The following FIBCD1 variants were observed in gnomAD, a reference collection of about 807,000 sequenced individuals.
The protein encoded by FIBCD1 is fibrinogen C domain containing 1, also known as fibrinogen C domain-containing protein 1.
FIBCD1 carries 47 observed loss-of-function variants against 45.1 expected under a neutral mutation model. The observed-to-expected ratio is 1.04, with a 90% CI of 0.82 to 1.33. The LOEUF (loss-of-function observed/expected upper bound fraction) is 1.33. Among genes scored for constraint, FIBCD1 ranks in the 40% most tolerant of loss-of-function variants. The pLI is 0.00. For synonymous variants in FIBCD1, 313 were observed against 308.1 expected (o/e 1.02, Z -0.17); for missense variants, 653 against 682.2 (o/e 0.96, Z 0.48).
Position 130,929,829 on chromosome 9 carries a change from C to T in FIBCD1, c.290G>A (p.Arg97His), listed in dbSNP as rs1455459036. The stretch of plus-strand genomic sequence containing the variant: ...GAAGCTGTCGGTGAGGTCGGGGCAG[C>T]GCGGGTCAATGAGGATGCTGAGGTG... ...SSHLSILIDP[R>H]CPDLTDSFAR... Residue 97 changes from arginine to histidine, a missense_variant, in exon 2 of 7, where the codon CGC (arginine) becomes CAC (histidine). Physicochemically the swap from Arg to His is conservative, Grantham distance 29 (BLOSUM62 0). Transcript: ENST00000372338. The T allele has an allele frequency of 9.7e-6, 15 of 1,549,912 alleles. No homozygotes were observed. Among genetic ancestry groups the T allele is most frequent in the Admixed American group, 3.9e-5 (2 of 51,002 alleles).
At chr9:130,940,560 A>G (rs1832606041), upstream of FIBCD1, among the ~76,000 whole-genome samples, 1 of 152,224 alleles carries the variant, frequency 6.6e-6, no homozygotes, top group Admixed American at 6.5e-5. Context: ...TGGAGGGCAC[A>G]GGGCCCTGGC....
chr9:130,939,243 A>AGGGCGCCCCCGC lies in FIBCD1; in HGVS notation c.-637_-636insGCGGGGGCGCCC, dbSNP rs1317925571. The stretch of plus-strand genomic sequence containing the variant: ...GTCACCATGCGCGGGGCGGGCCCCG[A>AGGGCGCCCCCGC]GGGCGCCCCCGCCGGCCGGTTCGGC... On this transcript the variant is annotated 5_prime_UTR_variant, in exon 1 of 7. Transcript: ENST00000372338. The AGGGCGCCCCCGC allele has an allele frequency of 6.6e-6, 1 of 151,590 alleles. No individual in the cohort carries two copies. Among genetic ancestry groups the AGGGCGCCCCCGC allele is most frequent in the East Asian group, 2.0e-4 (1 of 5,068 alleles). The allele number at this position is 151,590 out of a possible 1,614,324, so 9.4% of individuals were successfully genotyped here.
At chr9:130,912,632 G>A (rs998041722) in intron 4 of FIBCD1, among the ~76,000 whole-genome samples, 1 of 151,884 alleles carries the variant, frequency 6.6e-6, no homozygotes, top group African/African-American at 2.4e-5. Context: ...GCTTGATCCC[G>A]GGAGGCGCAG....
chr9:130,917,124 G>A (rs11244193), intron 4 of FIBCD1, among the ~76,000 whole-genome samples: 18 of 152,210 alleles, frequency 1.2e-4, no homozygotes, highest in East Asian at 7.7e-4. Flanking sequence ...AAATGGAGGC[G>A]GGGAGCAAAA....
At chr9:130,917,736 T>C (rs1832192111) in intron 4 of FIBCD1, among the ~76,000 whole-genome samples, 1 of 152,150 alleles carries the variant, frequency 6.6e-6, no homozygotes, top group Non-Finnish European at 1.5e-5. Context: ...CCGTAGAGGA[T>C]GACCACGGCC....
chr9:130,937,369 T>C (rs542027869), intron 1 of FIBCD1, among the ~76,000 whole-genome samples: 1 of 152,264 alleles, frequency 6.6e-6, no homozygotes, highest in East Asian at 1.9e-4. Flanking sequence ...TCCGAACCTC[T>C]CTGATCCCTG....
intron 4 of FIBCD1, among the ~76,000 whole-genome samples, chr9:130,916,298 C>T (rs1832160402): frequency 2.0e-5 from 3 of 152,238 alleles, no homozygotes; most frequent in Admixed American, 2.0e-4. Flanking sequence ...GTTGATCAAA[C>T]CCATTCAGTT....
At chr9:130,906,658 C>A (rs1431238590) in intron 5 of FIBCD1, among the ~76,000 whole-genome samples, 5 of 152,222 alleles carry the variant, frequency 3.3e-5, no homozygotes, top group African/African-American at 1.2e-4. Context: ...GGCCCCAGCT[C>A]GGCTGGCGCA....
Position 130,919,184 on chromosome 9 carries a change from A to C in FIBCD1, c.849+4560T>G, listed in dbSNP as rs545363097. On this transcript the variant is annotated intron_variant, in intron 4 of 6. Transcript: ENST00000372338. ...GTCCTGTTTCTGTTCAAAGTTTGAA[A>C]AACCCAAACTGCTCCCCACGGAGGC... Among the ~76,000 whole-genome samples, 296 of 152,312 alleles carry C rather than the reference A, an allele frequency of 1.9e-3. 1 individual carries two copies. The highest frequency in any genetic ancestry group is 6.0e-3 in the South Asian group (29 of 4,830).
At chr9:130,918,719 T>C (rs927550741) in intron 4 of FIBCD1, among the ~76,000 whole-genome samples, 6 of 152,224 alleles carry the variant, frequency 3.9e-5, no homozygotes, top group African/African-American at 7.2e-5. Flanking sequence ...AACTCCTTTC[T>C]GGACACCTCT....
intron 4 of FIBCD1, among the ~76,000 whole-genome samples, chr9:130,919,786 C>A (rs141727067): frequency 6.6e-6 from 1 of 152,150 alleles, no homozygotes; most frequent in Non-Finnish European, 1.5e-5. Flanking sequence ...TGCCTGGGAG[C>A]GGAGCAGGTA....
chr9:130,934,521 C>T (rs538282003), intron 1 of FIBCD1, among the ~76,000 whole-genome samples: 123 of 152,312 alleles, frequency 8.1e-4, no homozygotes, highest in African/African-American at 1.9e-3. Flanking sequence ...TCTGCCCCTC[C>T]GGGAGGTTCC....
rs1484191149 is a variant in FIBCD1 at position 130,907,602 on chromosome 9, G to GA, written c.947-2190dup. 4.6e-5 allele frequency among the ~76,000 whole-genome samples: 7 copies of GA among 152,262 alleles called. No homozygotes were observed. In the East Asian group the frequency reaches 1.4e-3, roughly 29 times the overall value. On this transcript the variant is annotated intron_variant, in intron 5 of 6. Coordinates refer to ENST00000372338, the MANE Select transcript of FIBCD1 (RefSeq NM_032843.5). Reference sequence around the variant, plus strand: ...AAGCTGTCAACCTAAAACAACACTAGAAAAACAGAAGAAAAGCCTGGGCGC... The same window carrying GA: ...AAGCTGTCAACCTAAAACAACACTAGAAAAAACAGAAGAAAAGCCTGGGCGC...
Position 130,924,387 on chromosome 9 carries a change from C to CA in FIBCD1, c.561dup (p.Glu188Ter), listed in dbSNP as rs750388347. 2.5e-6 allele frequency: 4 copies of CA among 1,607,964 alleles called. No individual in the cohort carries two copies. The East Asian group carries it at 8.9e-5, about 36-fold the overall frequency. Reference sequence around the variant, plus strand: ...AGGTGAGCCATGTGGCCCTGGCTCTCAGAGAGAAGCTGCGGAGCACAGGGG... The same window carrying CA: ...AGGTGAGCCATGTGGCCCTGGCTCTCAAGAGAGAAGCTGCGGAGCACAGGGG... On this transcript the variant is annotated frameshift_variant, in exon 3 of 7. Coordinates refer to ENST00000372338, the MANE Select transcript of FIBCD1 (RefSeq NM_032843.5). LOFTEE classifies it high-confidence loss of function.
At position 130,904,255 on chromosome 9, in the gene FIBCD1, T is replaced by C. The variant is rs1313156583; in HGVS notation, c.1195A>G (p.Asn399Asp). 1.2e-6 allele frequency: 2 copies of C among 1,613,524 alleles called. No individual in the cohort carries two copies. Among genetic ancestry groups the C allele is most frequent in the African/African-American group, 1.3e-5 (1 of 74,896 alleles). ...TKDRDSDHSE[N>D]NCAAFYRGAW... The stretch of plus-strand genomic sequence containing the variant: ...CCGCGGTAGAAGGCGGCACAGTTGT[T>C]CTCTGAATGGTCGCTGTCACGGTCC... Residue 399 changes from asparagine (N) to aspartate (D), a missense_variant, in exon 7 of 7, where the codon AAC becomes GAC. Asn to Asp is a conservative substitution (Grantham distance 23). Coordinates refer to ENST00000372338, the MANE Select transcript of FIBCD1 (RefSeq NM_032843.5).
At chr9:130,925,277 C>A (rs1399586359) in intron 2 of FIBCD1, among the ~76,000 whole-genome samples, 1 of 152,156 alleles carries the variant, frequency 6.6e-6, no homozygotes, top group South Asian at 2.1e-4. Flanking sequence ...AAGAGCAATC[C>A]CTGAGAGCGA....
intron 4 of FIBCD1, among the ~76,000 whole-genome samples, chr9:130,921,084 A>G (rs1053178276): frequency 3.3e-5 from 5 of 152,120 alleles, no homozygotes; most frequent in Non-Finnish European, 5.9e-5. Context: ...GCAGGGGTGT[A>G]TGAACTGTAA....
chr9:130,930,090 G>C (rs749522836), intron 1 of FIBCD1, 44 bp from the exon 2 acceptor site: 1 of 1,477,676 alleles, frequency 6.8e-7, no homozygotes, highest in Non-Finnish European at 8.9e-7. Flanking sequence ...AGACAGACGG[G>C]AGAGAGAAGG....
intron 5 of FIBCD1, among the ~76,000 whole-genome samples, chr9:130,908,855 T>G (rs1831982878): frequency 6.6e-6 from 1 of 152,008 alleles, no homozygotes; most frequent in South Asian, 2.1e-4. Context: ...TGGGCCCCGG[T>G]GAGGAGGGGG....
Sources: gnomAD v4.1 joint callset for allele counts (sites outside exome capture counted in the v4.1 genomes callset) on GRCh38, gnomAD v4.1.1 for gene constraint, MANE v1.5 for transcripts, NCBI Gene and HGNC (gene_info 2026-07-23, HGNC 2026-07-21) for gene names.